The following WWP1 variants were observed in gnomAD, a reference collection of about 807,000 sequenced individuals.
WWP1 encodes NEDD4-like E3 ubiquitin-protein ligase WWP1.
WWP1 carries 49 observed loss-of-function variants against 130.6 expected under a neutral mutation model. The ratio of observed to expected loss-of-function variants is 0.38; its 90% CI spans 0.30 to 0.48. The LOEUF (loss-of-function observed/expected upper bound fraction) is 0.48, where lower values mean the gene tolerates loss of function less well. WWP1 is among the 20% of genes least tolerant of loss of function. The probability of loss-of-function intolerance (pLI) is 0.99; values close to 1 mark genes in which losing one functional copy is unlikely to be tolerated. For missense variants in WWP1, 809 were observed against 1,100.6 expected, an observed-to-expected ratio of 0.74 and a Z score of 3.75; for synonymous variants, 332 against 367.8, an observed-to-expected ratio of 0.90 and a Z score of 1.11.
At chr8:86,414,903 G>A (rs1053127874) in intron 9 of WWP1, among the ~76,000 whole-genome samples, 9 of 19,142 alleles carry the variant, frequency 4.7e-4, no homozygotes, top group Admixed American at 8.9e-4. Context: ...CCCCACCCCC[G>A]CCCCTAAATA....
intron 11 of WWP1, among the ~76,000 whole-genome samples, chr8:86,428,170 TTTA>T (rs1478627431): frequency 6.6e-6 from 1 of 152,208 alleles, no homozygotes; most frequent in Admixed American, 6.5e-5. Flanking sequence ...AACCAGTTAC[TTTA>T]TTATTTTACT....
intron 5 of WWP1, among the ~76,000 whole-genome samples, chr8:86,382,235 C>T (rs1478281893): frequency 6.6e-6 from 1 of 152,086 alleles, no homozygotes; most frequent in Admixed American, 6.6e-5. Context: ...TATTAAGTTT[C>T]CATGATACTT....
At chr8:86,396,378 C>A (rs1807667456) in intron 5 of WWP1, among the ~76,000 whole-genome samples, 1 of 151,926 alleles carries the variant, frequency 6.6e-6, no homozygotes, top group South Asian at 2.1e-4. Context: ...GGATTACAGG[C>A]GTGAGCCACT....
chr8:86,421,590 C>T (rs572574306), intron 9 of WWP1, among the ~76,000 whole-genome samples: 21 of 151,998 alleles, frequency 1.4e-4, no homozygotes, highest in Middle Eastern at 3.4e-3. Context: ...TTTGGGAGGC[C>T]GAGGCGGAAG....
At chr8:86,396,692 T>C (rs1807693029) in intron 5 of WWP1, among the ~76,000 whole-genome samples, 1 of 151,826 alleles carries the variant, frequency 6.6e-6, no homozygotes, top group South Asian at 2.1e-4. Context: ...CTCCTGGGCT[T>C]ACAGGATCCT....
At chr8:86,416,775 G>A (rs1808912307) in intron 9 of WWP1, among the ~76,000 whole-genome samples, 1 of 152,116 alleles carries the variant, frequency 6.6e-6, no homozygotes, top group Non-Finnish European at 1.5e-5. Context: ...GCACCTAGTT[G>A]AGGGGTGTTC....
chr8:86,435,583 A>T, intron 15 of WWP1, 50 bp from the exon 16 acceptor site: 5 of 1,612,034 alleles, frequency 3.1e-6, no homozygotes, highest in Non-Finnish European at 4.2e-6. Flanking sequence ...TCTTTATACA[A>T]TACATATACT....
chr8:86,356,891 G>A (rs1823289445), intron 1 of WWP1, among the ~76,000 whole-genome samples: 1 of 152,072 alleles, frequency 6.6e-6, no homozygotes, highest in Non-Finnish European at 1.5e-5. Flanking sequence ...TTGCAAGGTT[G>A]TTTCCACAAC....
chr8:86,396,583 A>G (rs1297615311), intron 5 of WWP1, among the ~76,000 whole-genome samples: 3 of 131,568 alleles, frequency 2.3e-5, no homozygotes, highest in Non-Finnish European at 3.2e-5. Context: ...TTTTTTTTGC[A>G]AAGAATTTCT....
intron 17 of WWP1, among the ~76,000 whole-genome samples, chr8:86,441,605 C>T (rs543760095): frequency 6.6e-4 from 85 of 129,430 alleles, no homozygotes; most frequent in African/African-American, 2.6e-3. Flanking sequence ...TCTCATGTGG[C>T]GTCAGTGGGC....
At chr8:86,383,222 A>G (rs1451719608) in intron 5 of WWP1, among the ~76,000 whole-genome samples, 3 of 151,736 alleles carry the variant, frequency 2.0e-5, no homozygotes, top group Non-Finnish European at 2.9e-5. Flanking sequence ...TCATCTTGAT[A>G]CAGGAAGAAG....
At chr8:86,428,612 A>G (rs1469973276) in intron 11 of WWP1, among the ~76,000 whole-genome samples, 1 of 152,128 alleles carries the variant, frequency 6.6e-6, no homozygotes, top group Non-Finnish European at 1.5e-5. Flanking sequence ...TTCAGAGGTT[A>G]AATAGTAAGT....
chr8:86,450,603 AT>A (rs1293141032), intron 20 of WWP1, among the ~76,000 whole-genome samples: 1 of 152,218 alleles, frequency 6.6e-6, no homozygotes, highest in Non-Finnish European at 1.5e-5. Context: ...TGTTTCAAAC[AT>A]TTTATCACTG....
At chr8:86,349,299 G>A (rs1346694440) in intron 1 of WWP1, among the ~76,000 whole-genome samples, 2 of 152,180 alleles carry the variant, frequency 1.3e-5, no homozygotes, top group Admixed American at 1.3e-4. Flanking sequence ...GATTACAGGC[G>A]TGAGCCACCG....
intron 5 of WWP1, among the ~76,000 whole-genome samples, chr8:86,382,135 T>A (rs1825018790): frequency 6.6e-6 from 1 of 152,218 alleles, no homozygotes; most frequent in Non-Finnish European, 1.5e-5. Flanking sequence ...ACTGTCCTTT[T>A]GTTTTTCATA....
rs987107498 is a variant in WWP1 at position 86,440,248 on chromosome 8, G to A, written c.1838+1575G>A. On this transcript the variant is annotated intron_variant, in intron 17 of 24. Coordinates refer to ENST00000517970, the MANE Select transcript of WWP1 (RefSeq NM_007013.4). ...TGGGTCTAAGTTTTATATTTTGATA[G>A]TTTTAATGAATATAGCTAGTTCCTC... is the stretch of plus-strand genomic sequence containing the variant. Among the ~76,000 whole-genome samples, 6 of 152,116 alleles carry A rather than the reference G, an allele frequency of 3.9e-5. No individual in the cohort carries two copies. In the East Asian group the frequency reaches 1.2e-3, roughly 29 times the overall value.
chr8:86,440,717 A>G, intron 17 of WWP1: 1 of 455,346 alleles, frequency 2.2e-6, no homozygotes, highest in South Asian at 1.6e-5. Context: ...ATTTTTCTTC[A>G]GGAACATCAG....
chr8:86,457,049 G>T (rs1321009815), intron 21 of WWP1, among the ~76,000 whole-genome samples: 3 of 151,886 alleles, frequency 2.0e-5, no homozygotes, highest in Non-Finnish European at 2.9e-5. Flanking sequence ...TATCTTGATT[G>T]TAATGGTGGT....
At chr8:86,408,770 T>A (rs746929475) in intron 8 of WWP1, among the ~76,000 whole-genome samples, 1 of 151,934 alleles carries the variant, frequency 6.6e-6, no homozygotes, top group Non-Finnish European at 1.5e-5. Flanking sequence ...TTTAGCCGGG[T>A]GTGGTGACGC....
Sources: gnomAD v4.1 joint callset for allele counts (sites outside exome capture counted in the v4.1 genomes callset) on GRCh38, gnomAD v4.1.1 for gene constraint, MANE v1.5 for transcripts, NCBI Gene and HGNC (gene_info 2026-07-23, HGNC 2026-07-21) for gene names.